TRIM66: variants seen among roughly 807,000 people sequenced by gnomAD.
TRIM66 encodes the protein tripartite motif containing 66.
Under a neutral mutation model 148.2 loss-of-function variants are expected in TRIM66, and 99 were observed. The ratio of observed to expected loss-of-function variants is 0.67; its 90% CI spans 0.57 to 0.79. The LOEUF (loss-of-function observed/expected upper bound fraction) is 0.79, where lower values mean the gene tolerates loss of function less well. Among genes scored for constraint, TRIM66 ranks in the 30% least tolerant of loss-of-function variants. TRIM66 has a pLI of 0.00. For synonymous variants in TRIM66, 616 were observed against 635.9 expected (o/e 0.97, Z 0.47); for missense variants, 1,666 against 1,697.9 (o/e 0.98, Z 0.33).
chr11:8,657,076 G>C (rs1025525186), intron 6 of TRIM66, among the ~76,000 whole-genome samples: 5 of 152,176 alleles, frequency 3.3e-5, no homozygotes, highest in African/African-American at 1.2e-4. Context: ...CAAGGAAGTG[G>C]GGCCCACACA....
rs1178551687 is a variant in TRIM66 at position 8,682,665 on chromosome 11, C to T, written c.-612G>A. 7.0e-6 allele frequency: 6 copies of T among 861,388 alleles called. No individual in the cohort carries two copies. Among genetic ancestry groups the T allele is most frequent in the Non-Finnish European group, 3.9e-6 (2 of 511,096 alleles). The allele number at this position is 861,388 out of a possible 1,614,324, so 53.4% of individuals were successfully genotyped here. On this transcript the variant is annotated 5_prime_UTR_variant, in exon 1 of 25. Coordinates refer to ENST00000646038, the MANE Select transcript of TRIM66 (RefSeq NM_001388022.1). ...GATCACCACCCTCAGAAAGAGGAAG[C>T]GACTAGCAGGCGCGCAATCCCGCGA...
At chr11:8,646,875 G>A (rs966158840) in intron 10 of TRIM66, among the ~76,000 whole-genome samples, 4 of 150,710 alleles carry the variant, frequency 2.7e-5, no homozygotes, top group Non-Finnish European at 4.4e-5. Context: ...ACTGTAATTT[G>A]TTGTGTTTAA....
intron 22 of TRIM66, 26 bp from the exon 23 acceptor site, chr11:8,619,561 G>T: frequency 1.3e-6 from 2 of 1,498,250 alleles, no homozygotes; most frequent in African/African-American, 1.4e-5. Flanking sequence ...ATGAGGAGAA[G>T]GAGGCAAAGG....
At position 8,672,288 on chromosome 11, in the gene TRIM66, A is replaced by G; in HGVS notation, c.-14T>C. 2.6e-6 allele frequency: 4 copies of G among 1,536,138 alleles called. No individual in the cohort carries two copies. In the East Asian group the frequency reaches 7.3e-5, roughly 28 times the overall value. ...GAGTCTAGCCATCTCTGCCGTGGAA[A>G]ACAAAGCGTGGAGGTGTCTGCTGTT... On this transcript the variant is annotated 5_prime_UTR_variant, in exon 5 of 25. Coordinates refer to ENST00000646038, the MANE Select transcript of TRIM66 (RefSeq NM_001388022.1).
At chr11:8,652,162 A>G (rs2037414396) in intron 6 of TRIM66, among the ~76,000 whole-genome samples, 2 of 151,800 alleles carry the variant, frequency 1.3e-5, no homozygotes, top group East Asian at 3.9e-4. Flanking sequence ...TCCCTGCCCC[A>G]TAAACCATGC....
At chr11:8,675,793 C>T (rs1047918850) in intron 3 of TRIM66, among the ~76,000 whole-genome samples, 2 of 151,832 alleles carry the variant, frequency 1.3e-5, no homozygotes, top group Admixed American at 6.6e-5. Flanking sequence ...GGCTGGAGTG[C>T]AGTGGCGTGA....
intron 9 of TRIM66, 150 bp downstream of exon 9, chr11:8,648,266 T>G: frequency 7.5e-7 from 1 of 1,331,868 alleles, no homozygotes; most frequent in Non-Finnish European, 1.0e-6. Context: ...AGGGAAGTCC[T>G]ACAACAGGAG....
At position 8,617,994 on chromosome 11, in the gene TRIM66, T is replaced by A; in HGVS notation, c.4129A>T (p.Arg1377Ter). Reference protein sequence around the residue: ...KRRRRHMENERAKRMSFRLAN... With the variant: ...KRRRRHMENE ...AGGCGAAATGACATTCTTTTTGCTC[T>A]TTCATTCTCCTGAAAGAAAAATATA... The change falls in exon 25 of 25, where the codon AGA becomes TGA. Residue 1377 changes from arginine to a stop codon, truncating the protein, a stop_gained. Transcript: ENST00000646038. LOFTEE classifies it high-confidence loss of function. 2 of 1,551,720 alleles carry A rather than the reference T, an allele frequency of 1.3e-6. No individual in the cohort carries two copies. Among genetic ancestry groups the A allele is most frequent in the Non-Finnish European group, 1.7e-6 (2 of 1,146,982 alleles).
Position 8,617,082 on chromosome 11 carries a change from G to A in TRIM66, c.*862C>T. ...ATACCTCTGAATGAGGATGATGAAG[G>A]GTATGGCCACTGACAAGCACCAACA... On this transcript the variant is annotated 3_prime_UTR_variant, in exon 25 of 25. Coordinates refer to ENST00000646038, the MANE Select transcript of TRIM66 (RefSeq NM_001388022.1). 6.6e-6 allele frequency: 1 copy of A among 152,190 alleles called. No individual in the cohort carries two copies. The highest frequency in any genetic ancestry group is 1.9e-4 in the East Asian group (1 of 5,178). The allele number at this position is 152,190 out of a possible 1,614,324, so 9.4% of individuals were successfully genotyped here. A position where few individuals can be genotyped will look rare whatever the true frequency, so the allele number is the denominator to read the frequency against.
rs2037190305 is a variant in TRIM66, at chr11:8,649,748, C to A, written c.584G>T (p.Gly195Val). The A allele has an allele frequency of 6.5e-7, 1 of 1,546,950 alleles. No individual in the cohort carries two copies. The highest frequency in any genetic ancestry group is 8.7e-7 in the Non-Finnish European group (1 of 1,146,900). ...GGPFFPRAQK[G>V]SPGVNGGPGD... ...AGAGGTGGGATTGGTACCTGGAGAT[C>A]CCTTCTGGGCCCGAGGAAAGAATGG... Residue 195 changes from glycine (G) to valine (V), a missense_variant, in exon 8 of 25, where the codon GGA becomes GTA. Gly to Val is a moderately radical substitution (Grantham distance 109). Around this residue, in one of 3 missense-constraint regions of TRIM66, gnomAD observed 1,431 missense variants for 1,412.4 expected, o/e 1.01. Transcript: ENST00000646038.
chr11:8,654,999 T>C (rs1236814915), intron 6 of TRIM66, among the ~76,000 whole-genome samples: 1 of 152,152 alleles, frequency 6.6e-6, no homozygotes, highest in East Asian at 1.9e-4. Flanking sequence ...TAGCTGGGAT[T>C]ACAGGCACCT....
intron 23 of TRIM66, 81 bp downstream of exon 23, chr11:8,619,302 C>T (rs1030295379): frequency 5.6e-6 from 8 of 1,427,098 alleles, no homozygotes; most frequent in African/African-American, 2.9e-5. Context: ...CCAGACCAAA[C>T]CTAACCTCCC....
intron 1 of TRIM66, among the ~76,000 whole-genome samples, chr11:8,680,331 G>C (rs1238680733): frequency 3.3e-5 from 5 of 152,228 alleles, no homozygotes; most frequent in African/African-American, 1.2e-4. Context: ...CATGTTTTCG[G>C]AATACTAACG....
At chr11:8,650,128 T>C (rs1185409150) in intron 7 of TRIM66, among the ~76,000 whole-genome samples, 1 of 152,082 alleles carries the variant, frequency 6.6e-6, no homozygotes, top group South Asian at 2.1e-4. Flanking sequence ...ACCCCAGTAC[T>C]TTGGGAGGCC....
chr11:8,672,068 A>T lies in TRIM66; in HGVS notation c.58T>A (p.Phe20Ile), dbSNP rs2133499189. 6.5e-7 allele frequency: 1 copy of T among 1,535,284 alleles called. No homozygotes were observed. Among genetic ancestry groups the T allele is most frequent in the East Asian group, 2.4e-5 (1 of 40,924 alleles). The change falls in exon 6 of 25, where the codon TTC becomes ATC. Residue 20 changes from phenylalanine to isoleucine, a missense_variant. Physicochemically the swap from Phe to Ile is conservative, Grantham distance 21. Coordinates refer to ENST00000646038, the MANE Select transcript of TRIM66 (RefSeq NM_001388022.1). ...TTTCCACTGATATCCTCAGGTGAGA[A>T]GCAGCGTGTAGAGCGAGCCAGCTCC... is the stretch of plus-strand genomic sequence containing the variant. ...GVELARSTRCFSPEDISGKAP... is the reference protein window; with the variant it reads ...GVELARSTRCISPEDISGKAP...
At chr11:8,621,873 C>A (rs757124470) in intron 18 of TRIM66, 54 bp from the exon 19 acceptor site, 126 of 1,454,190 alleles carry the variant, frequency 8.7e-5, no homozygotes, top group Non-Finnish European at 1.1e-4. Context: ...CTGGTCCCAA[C>A]CTCTAAGTCA....
intron 6 of TRIM66, among the ~76,000 whole-genome samples, chr11:8,659,052 G>A (rs1423219577): frequency 1.3e-5 from 2 of 151,846 alleles, no homozygotes; most frequent in African/African-American, 4.8e-5. Context: ...AGCAGGGAGG[G>A]AAAAAGGGAA....
intron 6 of TRIM66, among the ~76,000 whole-genome samples, chr11:8,669,893 T>A (rs952500730): frequency 3.9e-5 from 6 of 152,176 alleles, no homozygotes; most frequent in Non-Finnish European, 5.9e-5. Context: ...GGTACATATT[T>A]AGGTTTGTTA....
intron 6 of TRIM66, among the ~76,000 whole-genome samples, chr11:8,665,033 G>A (rs113828916): frequency 5.8e-4 from 88 of 152,162 alleles, no homozygotes; most frequent in African/African-American, 2.0e-3. Context: ...TCTGGTTGGA[G>A]GCATTGAAGC....
Sources: allele counts gnomAD v4.1 joint callset (sites outside exome capture counted in the v4.1 genomes callset), GRCh38; gene constraint gnomAD v4.1.1; regional missense constraint gnomAD v4.1.1; transcripts MANE v1.5; gene names NCBI Gene and HGNC (gene_info 2026-07-23, HGNC 2026-07-21).